The following PRRC1 variants were observed in gnomAD, a reference collection of about 807,000 sequenced individuals.
The protein encoded by PRRC1 is proline rich coiled-coil 1.
PRRC1 carries 39 observed loss-of-function variants against 40.7 expected under a neutral mutation model. The observed-to-expected ratio is 0.96, with a 90% CI of 0.74 to 1.25. The LOEUF is 1.25. Ranked by LOEUF, PRRC1 falls within the 50% of genes most tolerant of loss-of-function variation. The pLI is 0.00. For missense variants in PRRC1, 573 were observed against 548.3 expected (o/e 1.05, Z -0.45); for synonymous variants, 175 against 193.3 (o/e 0.91, Z 0.79).
At chr5:127,538,912 T>C (rs1767965062) in intron 6 of PRRC1, 128 bp from the exon 7 acceptor site, 1 of 549,838 alleles carries the variant, frequency 1.8e-6, no homozygotes, top group South Asian at 3.5e-5. Context: ...TTGTATTGTT[T>C]GAACGTTTAC....
chr5:127,520,839 GTGT>G (rs1400229506), intron 1 of PRRC1, among the ~76,000 whole-genome samples: 1 of 152,172 alleles, frequency 6.6e-6, no homozygotes, highest in Non-Finnish European at 1.5e-5. Flanking sequence ...ATAGTTAATA[GTGT>G]TGTACCAATG....
At position 127,553,487 on chromosome 5, in the gene PRRC1, TCTTTC is replaced by T. The variant is rs1768445142; in HGVS notation, c.*1575_*1579del. The T allele has an allele frequency of 1.3e-5, 15 of 1,140,572 alleles. No homozygotes were observed. The highest frequency in any genetic ancestry group is 1.6e-5 in the Non-Finnish European group (15 of 924,060). The allele number at this position is 1,140,572 out of a possible 1,614,324, so 70.7% of individuals were successfully genotyped here. A position where few individuals can be genotyped will look rare whatever the true frequency, so the allele number is the denominator to read the frequency against. The stretch of plus-strand genomic sequence containing the variant: ...AGTAACAGGGACAGAATACTTTCTT[TCTTTC>T]CTTCAAGTACAAGAAGGCTTTCTCT... On this transcript the variant is annotated 3_prime_UTR_variant, in exon 9 of 9. Transcript: ENST00000296666.
chr5:127,531,962 G>C (rs1463316289), intron 5 of PRRC1, among the ~76,000 whole-genome samples: 1 of 151,992 alleles, frequency 6.6e-6, no homozygotes, highest in African/African-American at 2.4e-5. Flanking sequence ...GTACAGAAAT[G>C]AAATTTCTAT....
chr5:127,527,319 T>A (rs1199372219), intron 4 of PRRC1, among the ~76,000 whole-genome samples: 1 of 152,214 alleles, frequency 6.6e-6, no homozygotes, highest in African/African-American at 2.4e-5. Context: ...CTCACATATT[T>A]ACCATTTTTT....
intron 6 of PRRC1, among the ~76,000 whole-genome samples, chr5:127,536,462 T>C (rs967648015): frequency 6.6e-6 from 1 of 152,102 alleles, no homozygotes; most frequent in Non-Finnish European, 1.5e-5. Flanking sequence ...ATTTGAAGAT[T>C]TCCCAAGAGG....
chr5:127,551,802 C>G lies in PRRC1; in HGVS notation c.1224C>G (p.Ser408Arg), dbSNP rs933179144. ...EVLEKSLLNVSRTDWHMAFTG... is the reference protein window; with the variant it reads ...EVLEKSLLNVRRTDWHMAFTG... ...TGGAAAAGAGTTTACTGAATGTCAGCCGGACTGATTGGCACATGGCATTTA... is the reference window on the plus strand; with the variant it reads ...TGGAAAAGAGTTTACTGAATGTCAGGCGGACTGATTGGCACATGGCATTTA... Residue 408 changes from serine to arginine, a missense_variant, in exon 9 of 9, where the codon AGC becomes AGG. By Grantham distance (110) the Ser-to-Arg change is moderately radical (BLOSUM62 -1). Transcript: ENST00000296666. 1.7e-5 allele frequency: 27 copies of G among 1,614,074 alleles called. No homozygotes were observed. The highest frequency in any genetic ancestry group is 2.2e-5 in the Non-Finnish European group (26 of 1,179,998).
chr5:127,531,919 A>G (rs1012608902), intron 5 of PRRC1, among the ~76,000 whole-genome samples: 11 of 152,066 alleles, frequency 7.2e-5, no homozygotes, highest in African/African-American at 2.7e-4. Flanking sequence ...GCCATCAAGA[A>G]AAATGTGTAA....
At chr5:127,535,190 C>A (rs989413336) in intron 6 of PRRC1, among the ~76,000 whole-genome samples, 1 of 152,154 alleles carries the variant, frequency 6.6e-6, no homozygotes, top group African/African-American at 2.4e-5. Context: ...TATACACATA[C>A]ATGCACATAT....
intron 8 of PRRC1, 23 bp from the exon 9 acceptor site, chr5:127,551,684 A>G (rs1422307833): frequency 6.8e-6 from 11 of 1,608,972 alleles, no homozygotes; most frequent in African/African-American, 1.3e-5. Context: ...ATTATAAGTA[A>G]TATCAATTTC....
At chr5:127,541,385 T>G (rs1429655105) in intron 7 of PRRC1, among the ~76,000 whole-genome samples, 5 of 152,204 alleles carry the variant, frequency 3.3e-5, no homozygotes, top group Non-Finnish European at 5.9e-5. Context: ...GATGCTGGCC[T>G]CATAAAATGA....
At position 127,552,001 on chromosome 5, in the gene PRRC1, G is replaced by T; in HGVS notation, c.*85G>T. The T allele has an allele frequency of 4.5e-6, 7 of 1,554,556 alleles. No individual in the cohort carries two copies. Among genetic ancestry groups the T allele is most frequent in the Non-Finnish European group, 6.1e-6 (7 of 1,147,978 alleles). On this transcript the variant is annotated 3_prime_UTR_variant, in exon 9 of 9. Transcript: ENST00000296666. ...TGGTTGTACCTTCCTAAATCGAATA[G>T]TCTAAATGAATCCAGTAGTTTTTAT...
chr5:127,529,547 C>T (rs1442595997), intron 4 of PRRC1, among the ~76,000 whole-genome samples: 1 of 152,100 alleles, frequency 6.6e-6, no homozygotes, highest in Non-Finnish European at 1.5e-5. Context: ...TCCTGAGTCA[C>T]CTTAGTTTAA....
intron 3 of PRRC1, among the ~76,000 whole-genome samples, chr5:127,525,750 A>G (rs749413112): frequency 8.5e-5 from 13 of 152,134 alleles, no homozygotes; most frequent in Non-Finnish European, 1.8e-4. Flanking sequence ...TTAGTATATG[A>G]TTTTTTTATG....
In PRRC1 at chr5:127,553,707, T is replaced by G; in HGVS notation, c.*1791T>G. 2 of 1,497,808 alleles carry G rather than the reference T, an allele frequency of 1.3e-6. No individual in the cohort carries two copies. Among genetic ancestry groups the G allele is most frequent in the Non-Finnish European group, 1.8e-6 (2 of 1,132,022 alleles). The allele number at this position is 1,497,808 out of a possible 1,614,324, so 92.8% of individuals were successfully genotyped here. A position where few individuals can be genotyped will look rare whatever the true frequency, so the allele number is the denominator to read the frequency against. ...CAGATTCTAAAAATACCTTAATTTT[T>G]CTTTGATTTTTATTTTACCAAGTCA... On this transcript the variant is annotated 3_prime_UTR_variant, in exon 9 of 9. Transcript: ENST00000296666.
At chr5:127,529,639 C>T (rs1468706633) in intron 4 of PRRC1, among the ~76,000 whole-genome samples, 2 of 151,946 alleles carry the variant, frequency 1.3e-5, no homozygotes, top group Admixed American at 1.3e-4. Context: ...TGTCTTTTAC[C>T]CTTTGTGAAG....
Position 127,552,237 on chromosome 5 carries a change from G to T in PRRC1, c.*321G>T. ...GCAGAGACATTTAACTTAATGCCAT[G>T]TACTTGATTATTTTGTTCTTTAAAG... is the stretch of plus-strand genomic sequence containing the variant. On this transcript the variant is annotated 3_prime_UTR_variant, in exon 9 of 9. Coordinates refer to ENST00000296666, the MANE Select transcript of PRRC1 (RefSeq NM_130809.5). The T allele has an allele frequency of 9.3e-7, 1 of 1,072,728 alleles. No individual in the cohort carries two copies. The highest frequency in any genetic ancestry group is 1.1e-6 in the Non-Finnish European group (1 of 883,416). The allele number at this position is 1,072,728 out of a possible 1,614,324, so 66.5% of individuals were successfully genotyped here.
intron 6 of PRRC1, 182 bp downstream of exon 6, chr5:127,533,968 A>G: frequency 1.4e-6 from 1 of 692,606 alleles, no homozygotes. Flanking sequence ...ATTTAAAGAA[A>G]TTTAAGATAG....
At chr5:127,522,719 T>C (rs752619712) in intron 1 of PRRC1, among the ~76,000 whole-genome samples, 12 of 151,870 alleles carry the variant, frequency 7.9e-5, no homozygotes, top group Non-Finnish European at 1.3e-4. Flanking sequence ...AATGGGGTTA[T>C]CTTATACACA....
At chr5:127,538,564 G>A (rs1767957276) in intron 6 of PRRC1, among the ~76,000 whole-genome samples, 1 of 151,810 alleles carries the variant, frequency 6.6e-6, no homozygotes, top group African/African-American at 2.4e-5. Flanking sequence ...TGGTCATTTT[G>A]GTGCATGTAT....
Sources: allele counts gnomAD v4.1 joint callset (sites outside exome capture counted in the v4.1 genomes callset), GRCh38; gene constraint gnomAD v4.1.1; transcripts MANE v1.5; gene names NCBI Gene and HGNC (gene_info 2026-07-23, HGNC 2026-07-21).